Variants in KIAA2012 observed in about 807,000 individuals in gnomAD.
KIAA2012 encodes the protein uncharacterized protein KIAA2012.
KIAA2012 carries 125 observed loss-of-function variants against 150.6 expected under a neutral mutation model. That is an observed-to-expected ratio of 0.83 (90% CI 0.72 to 0.96). KIAA2012 has a LOEUF of 0.96. KIAA2012 is among the 40% of genes least tolerant of loss of function. The pLI is 0.00. For missense variants in KIAA2012, 1,219 were observed against 1,354.9 expected (o/e 0.90, Z 1.57); for synonymous variants, 462 against 504.7 (o/e 0.92, Z 1.13).
At chr2:202,130,082 A>G (rs113614214) in intron 12 of KIAA2012, among the ~76,000 whole-genome samples, 7,493 of 152,260 alleles carry the variant, frequency 0.049, 282 homozygotes, top group Non-Finnish European at 0.074. Flanking sequence ...TGCATTTTTA[A>G]TGGCCCTAAA....
intron 19 of KIAA2012, 134 bp downstream of exon 19, chr2:202,190,627 A>C: frequency 1.4e-6 from 1 of 697,832 alleles, no homozygotes; most frequent in Admixed American, 3.2e-5. Flanking sequence ...TTATTGTTCT[A>C]CTTTGGTATC....
At chr2:202,201,925 G>C (rs1692536665) in intron 22 of KIAA2012, 2 of 834,390 alleles carry the variant, frequency 2.4e-6, no homozygotes, top group African/African-American at 3.3e-5. Context: ...ATCAGGGACG[G>C]TTATCTTTTC....
rs750476471 is a variant in KIAA2012 at position 202,105,796 on chromosome 2, G to A, written c.1360G>A (p.Glu454Lys). ...CCCTGAGTCAGAACCAGAAAGCAGC[G>A]AAGAATCCACACCTGTGTGGAGACC... is the stretch of plus-strand genomic sequence containing the variant. ...PHPESEPESSEESTPVWRPPL... is the reference protein window; with the variant it reads ...PHPESEPESSKESTPVWRPPL... The change falls in exon 9 of 24, where the codon GAA becomes AAA. Residue 454 changes from glutamate to lysine, a missense_variant. Transcript: ENST00000498697. The A allele has an allele frequency of 1.6e-5, 25 of 1,550,626 alleles. No homozygotes were observed. The highest frequency in any genetic ancestry group is 1.7e-4 in the Middle Eastern group (1 of 5,994).
chr2:202,153,443 G>A (rs1691467853), intron 13 of KIAA2012, among the ~76,000 whole-genome samples: 1 of 152,220 alleles, frequency 6.6e-6, no homozygotes, highest in Non-Finnish European at 1.5e-5. Flanking sequence ...AAGGGCTGGT[G>A]CCCATGTGGC....
At position 202,109,629 on chromosome 2, in the gene KIAA2012, T is replaced by C. The variant is rs2105927035; in HGVS notation, c.1491T>C (p.Pro497=). Residue 497 remains proline (P), a synonymous_variant, in exon 10 of 24, where the codon CCT becomes CCC. Transcript: ENST00000498697. Reference sequence around the variant, plus strand: ...TTTTTAAAGATGATGATGCCCCACCTCACGATGTGGCCCCACCATTGGATC... The same window carrying C: ...TTTTTAAAGATGATGATGCCCCACCCCACGATGTGGCCCCACCATTGGATC... The part of the protein sequence containing the change: ...TLSPQDDDAP[P]HDVAPPLDLL... 1 of 1,535,314 alleles carries C rather than the reference T, an allele frequency of 6.5e-7. No individual in the cohort carries two copies. The highest frequency in any genetic ancestry group is 8.8e-7 in the Non-Finnish European group (1 of 1,142,388).
rs142798953 is a variant in KIAA2012 at position 202,170,249 on chromosome 2, T to C, written c.2119+4893T>C. Among the ~76,000 whole-genome samples the C allele has an allele frequency of 9.1e-4, 138 of 152,334 alleles. 1 individual carries two copies. Among genetic ancestry groups the C allele is most frequent in the African/African-American group, 2.6e-3 (109 of 41,578 alleles). ...ACTGCTTTGCCACGGTTCTCTGGCA[T>C]GGCATGAGGACTCCATAAACCTCTG... On this transcript the variant is annotated intron_variant, in intron 15 of 23. Transcript: ENST00000498697.
In KIAA2012 at chr2:202,105,769, C is replaced by A; in HGVS notation, c.1333C>A (p.His445Asn). 6.4e-7 allele frequency: 1 copy of A among 1,550,582 alleles called. No homozygotes were observed. Among genetic ancestry groups the A allele is most frequent in the African/African-American group, 1.4e-5 (1 of 73,184 alleles). The change falls in exon 9 of 24, where the codon CAC (histidine) becomes AAC (asparagine). Residue 445 changes from histidine (H) to asparagine (N), a missense_variant. Coordinates refer to ENST00000498697, the MANE Select transcript of KIAA2012 (RefSeq NM_001277372.4). ...TCCTCTTTGTCTCCTAGGTGCTCCA[C>A]ACCCTGAGTCAGAACCAGAAAGCAG... ...KEKAHRRGAPHPESEPESSEE... is the reference protein window; with the variant it reads ...KEKAHRRGAPNPESEPESSEE...
At chr2:202,107,477 A>G (rs559128944) in intron 9 of KIAA2012, among the ~76,000 whole-genome samples, 5 of 152,124 alleles carry the variant, frequency 3.3e-5, no homozygotes, top group Non-Finnish European at 7.4e-5. Context: ...TATGGGCCAC[A>G]ATGCGAGATG....
chr2:202,184,906 TG>T (rs1692197552), intron 16 of KIAA2012, 63 bp downstream of exon 16: 1 of 1,373,372 alleles, frequency 7.3e-7, no homozygotes, highest in African/African-American at 1.5e-5. Flanking sequence ...TATTTTTAAT[TG>T]GTTTAGTTTG....
chr2:202,202,224 C>T (rs577787977), intron 22 of KIAA2012, among the ~76,000 whole-genome samples: 1 of 152,268 alleles, frequency 6.6e-6, no homozygotes, highest in Admixed American at 6.5e-5. Context: ...TCTCTTTTTA[C>T]TTTTCCAGTA....
intron 15 of KIAA2012, among the ~76,000 whole-genome samples, chr2:202,180,163 C>G (rs2105737152): frequency 6.7e-6 from 1 of 150,324 alleles, no homozygotes; most frequent in African/African-American, 2.4e-5. Context: ...CCCAGCTATT[C>G]GGGAGGCTGA....
chr2:202,174,114 C>T (rs569394700), intron 15 of KIAA2012, among the ~76,000 whole-genome samples: 1 of 152,240 alleles, frequency 6.6e-6, no homozygotes, highest in East Asian at 1.9e-4. Flanking sequence ...TACAGTTGCT[C>T]ACCACCGCAC....
chr2:202,186,541 G>A (rs1473966428), intron 16 of KIAA2012, among the ~76,000 whole-genome samples: 2 of 151,986 alleles, frequency 1.3e-5, no homozygotes, highest in African/African-American at 2.4e-5. Flanking sequence ...AATTCAGAGG[G>A]CATAAAGGAA....
At chr2:202,175,977 G>A (rs555865514) in intron 15 of KIAA2012, among the ~76,000 whole-genome samples, 22 of 152,280 alleles carry the variant, frequency 1.4e-4, no homozygotes, top group African/African-American at 5.1e-4. Context: ...GGAAATAGTG[G>A]AGAAAGGATG....
chr2:202,180,706 C>A (rs571766395), intron 15 of KIAA2012, among the ~76,000 whole-genome samples: 1 of 152,128 alleles, frequency 6.6e-6, no homozygotes, highest in East Asian at 1.9e-4. Flanking sequence ...ATGCGTGTAA[C>A]CCCTGCTGCT....
chr2:202,114,199 C>T (rs1690456826), intron 11 of KIAA2012: 1 of 152,318 alleles, frequency 6.6e-6, no homozygotes, highest in African/African-American at 2.4e-5. Flanking sequence ...TGAGTCAGTC[C>T]CTCATCCTCC....
chr2:202,156,754 G>A (rs1243638788), intron 14 of KIAA2012, among the ~76,000 whole-genome samples: 2 of 152,094 alleles, frequency 1.3e-5, no homozygotes, highest in East Asian at 3.9e-4. Context: ...GTGTGGTGGT[G>A]GGCACCTGTA....
At chr2:202,088,365 AC>A (rs1689628572) in intron 2 of KIAA2012, among the ~76,000 whole-genome samples, 1 of 152,234 alleles carries the variant, frequency 6.6e-6, no homozygotes, top group Non-Finnish European at 1.5e-5. Flanking sequence ...TTCACCACCT[AC>A]TATGTGCATT....
At chr2:202,166,899 G>A (rs1013463574) in intron 15 of KIAA2012, among the ~76,000 whole-genome samples, 2 of 152,170 alleles carry the variant, frequency 1.3e-5, no homozygotes, top group African/African-American at 4.8e-5. Flanking sequence ...TTGAAAAATT[G>A]CTCTGGCTTT....
Sources: gnomAD v4.1 joint callset for allele counts (sites outside exome capture counted in the v4.1 genomes callset) on GRCh38, gnomAD v4.1.1 for gene constraint, MANE v1.5 for transcripts, NCBI Gene and HGNC (gene_info 2026-07-23, HGNC 2026-07-21) for gene names.